Variants in RFK observed in about 807,000 individuals in gnomAD.
RFK encodes the protein 0610038L10Rik.
In RFK, 4 loss-of-function variants were observed where a neutral mutation model predicts 17.6. The ratio of observed to expected loss-of-function variants is 0.23; its 90% CI spans 0.11 to 0.52. The LOEUF is 0.52. Among genes scored for constraint, RFK ranks in the 20% least tolerant of loss-of-function variants. The probability of loss-of-function intolerance (pLI) is 0.96; values close to 1 mark genes in which losing one functional copy is unlikely to be tolerated. For missense variants in RFK, 189 were observed against 187.7 expected (o/e 1.01, Z -0.04); for synonymous variants, 59 against 63.8 (o/e 0.92, Z 0.36).
chr9:76,392,629 GA>G, intron 1 of RFK, 60 bp from the exon 2 acceptor site: 1 of 1,512,896 alleles, frequency 6.6e-7, no homozygotes, highest in Non-Finnish European at 9.1e-7. Context: ...GCCTGTAGCC[GA>G]GTGCAGTGGC....
intron 2 of RFK, among the ~76,000 whole-genome samples, chr9:76,390,214 C>G (rs1406353635): frequency 1.3e-5 from 2 of 152,034 alleles, no homozygotes; most frequent in East Asian, 3.8e-4. Flanking sequence ...AGATACCATA[C>G]TAAAAAAGTC....
Position 76,394,260 on chromosome 9 carries a change from CGGGG to C in RFK, c.-93_-90del. On this transcript the variant is annotated 5_prime_UTR_variant, in exon 1 of 4. Coordinates refer to ENST00000376736, the MANE Select transcript of RFK (RefSeq NM_018339.6). ...CGCGGCGCCCAGACCCCGGACCAGC[CGGGG>C]GACAGGAGCGTGAGCTCTGCCTGCC... The C allele has an allele frequency of 7.3e-7, 1 of 1,369,828 alleles. No homozygotes were observed. The highest frequency in any genetic ancestry group is 1.0e-6 in the Non-Finnish European group (1 of 1,004,974). 84.9% of individuals were successfully genotyped at this position (1,369,828 alleles called of 1,614,324 possible). A position where few individuals can be genotyped will look rare whatever the true frequency, so the allele number is the denominator to read the frequency against.
chr9:76,393,867 C>T, intron 1 of RFK: 1 of 530,306 alleles, frequency 1.9e-6, no homozygotes, highest in South Asian at 2.5e-5. Flanking sequence ...CCCTCACCAC[C>T]CCTCAACCCC....
chr9:76,387,178 AT>A lies in RFK; in HGVS notation c.*220del. ...TAGTGGTACATTTTAATCAATATAT[AT>A]TTTTTAAATCTTATTTTTAACTCAA... On this transcript the variant is annotated 3_prime_UTR_variant, in exon 4 of 4. Transcript: ENST00000376736. 1 of 410,328 alleles carries A rather than the reference AT, an allele frequency of 2.4e-6. No individual in the cohort carries two copies. Among genetic ancestry groups the A allele is most frequent in the Admixed American group, 3.9e-5 (1 of 25,920 alleles). The allele number at this position is 410,328 out of a possible 1,614,324, so 25.4% of individuals were successfully genotyped here. A position where few individuals can be genotyped will look rare whatever the true frequency, so the allele number is the denominator to read the frequency against.
intron 2 of RFK, among the ~76,000 whole-genome samples, chr9:76,390,617 T>C (rs1161349687): frequency 1.3e-5 from 2 of 151,876 alleles, no homozygotes; most frequent in East Asian, 3.9e-4. Context: ...TGAGCTGAGA[T>C]TGCACCACTG....
intron 3 of RFK, 95 bp from the exon 4 acceptor site, chr9:76,387,624 GGCAGTATCTCT>G: frequency 8.2e-7 from 1 of 1,222,908 alleles, no homozygotes; most frequent in East Asian, 2.3e-5. Context: ...CTCACAGGCT[GGCAGTATCTCT>G]GCACAGGGTA....
Position 76,388,568 on chromosome 9 carries a change from T to C in RFK, c.323A>G (p.Asn108Ser), listed in dbSNP as rs2131553452. 6.2e-7 allele frequency: 1 copy of C among 1,605,558 alleles called. No individual in the cohort carries two copies. The highest frequency in any genetic ancestry group is 8.5e-7 in the Non-Finnish European group (1 of 1,173,096). ...AIVGYLRPEKNFDSLESLISA... is the reference protein window; with the variant it reads ...AIVGYLRPEKSFDSLESLISA... ...TAAGAACTTACCTAAAGAATCAAAGTTCTTTTCTGGTCTCAGGTAGCCAAC... is the reference window on the plus strand; with the variant it reads ...TAAGAACTTACCTAAAGAATCAAAGCTCTTTTCTGGTCTCAGGTAGCCAAC... Residue 108 changes from asparagine to serine, a missense_variant, in exon 3 of 4, where the codon AAC becomes AGC. By Grantham distance (46) the Asn-to-Ser change is conservative. This residue lies in a region of RFK where 95 missense variants were observed against 95.7 expected (regional missense o/e 0.99). Coordinates refer to ENST00000376736, the MANE Select transcript of RFK (RefSeq NM_018339.6).
In RFK at chr9:76,385,801, T is replaced by C. The variant is rs1216273520; in HGVS notation, c.*1598A>G. ...AACACAAATATTTTCACATTTCCTA[T>C]GTTTGTTTTTAACTTTACTTCATAA... On this transcript the variant is annotated 3_prime_UTR_variant, in exon 4 of 4. Transcript: ENST00000376736. 1.3e-5 allele frequency: 2 copies of C among 152,218 alleles called. No individual in the cohort carries two copies. The highest frequency in any genetic ancestry group is 6.5e-5 in the Admixed American group (1 of 15,282). The allele number at this position is 152,218 out of a possible 1,614,324, so 9.4% of individuals were successfully genotyped here.
At position 76,392,551 on chromosome 9, in the gene RFK, A is replaced by G; in HGVS notation, c.101T>C (p.Val34Ala). The G allele has an allele frequency of 6.2e-7, 1 of 1,614,130 alleles. No homozygotes were observed. The highest frequency in any genetic ancestry group is 8.5e-7 in the Non-Finnish European group (1 of 1,180,020). The change falls in exon 2 of 4, where the codon GTG (valine) becomes GCG (alanine). Residue 34 changes from valine to alanine, a missense_variant. Val to Ala is a moderately conservative substitution (Grantham distance 64). Coordinates refer to ENST00000376736, the MANE Select transcript of RFK (RefSeq NM_018339.6). ...TATATCAGCTGGAAGATTATCTACC[A>G]CTTGCTCAGGAAAATTAGCTAAACA... The part of the protein sequence containing the change: ...GIPTANFPEQ[V>A]VDNLPADIST...
Position 76,394,130 on chromosome 9 carries a change from C to G in RFK, c.42G>C (p.Arg14=). ...LPYFCRGQVV[R]GFGRGSKQLG... ...GCTGCTTGGAGCCGCGGCCGAAGCC[C>G]CGCACCACTTGACCCCGGCAGAAGT... The change falls in exon 1 of 4, where the codon CGG becomes CGC. Residue 14 remains arginine, a synonymous_variant. Coordinates refer to ENST00000376736, the MANE Select transcript of RFK (RefSeq NM_018339.6). The G allele has an allele frequency of 1.9e-6, 3 of 1,609,866 alleles. No homozygotes were observed. Among genetic ancestry groups the G allele is most frequent in the Non-Finnish European group, 2.5e-6 (3 of 1,178,962 alleles).
At chr9:76,390,227 T>A (rs1348209514) in intron 2 of RFK, among the ~76,000 whole-genome samples, 1 of 152,170 alleles carries the variant, frequency 6.6e-6, no homozygotes, top group Non-Finnish European at 1.5e-5. Flanking sequence ...AAAAAGTCAA[T>A]TTGAAGATAT....
In RFK at chr9:76,387,396, T is replaced by C; in HGVS notation, c.*3A>G. On this transcript the variant is annotated 3_prime_UTR_variant, in exon 4 of 4. Transcript: ENST00000376736. ...GTGAATGAATAAATAATACAATTTT[T>C]CATCAGTGGCCATTCATTATTTTGC... The C allele has an allele frequency of 6.2e-7, 1 of 1,602,572 alleles. No homozygotes were observed. The highest frequency in any genetic ancestry group is 8.5e-7 in the Non-Finnish European group (1 of 1,174,690).
At chr9:76,388,516 C>A in intron 3 of RFK, 38 bp downstream of exon 3, 1 of 1,199,974 alleles carries the variant, frequency 8.3e-7, no homozygotes, top group Non-Finnish European at 1.2e-6. Context: ...CCTGTGGTAG[C>A]AGTAGTAGTA....
intron 2 of RFK, among the ~76,000 whole-genome samples, chr9:76,389,237 G>C (rs1822784267): frequency 6.6e-6 from 1 of 152,098 alleles, no homozygotes; most frequent in African/African-American, 2.4e-5. Flanking sequence ...AAATCATCTG[G>C]GCAGTACTGT....
At chr9:76,389,696 G>C (rs1456298640) in intron 2 of RFK, among the ~76,000 whole-genome samples, 2 of 152,102 alleles carry the variant, frequency 1.3e-5, no homozygotes, top group Non-Finnish European at 2.9e-5. Context: ...AGGAGGCGGA[G>C]GTTGCAGTGA....
At chr9:76,388,941 GAAGT>G (rs1247553113) in intron 2 of RFK, among the ~76,000 whole-genome samples, 3 of 152,124 alleles carry the variant, frequency 2.0e-5, no homozygotes, top group East Asian at 1.9e-4. Context: ...CGTATCCAAG[GAAGT>G]AAGTATCTTA....
At chr9:76,388,726 TG>T in intron 2 of RFK, 70 bp from the exon 3 acceptor site, 1 of 828,834 alleles carries the variant, frequency 1.2e-6, no homozygotes, top group Non-Finnish European at 2.0e-6. Flanking sequence ...TACATCTTCA[TG>T]TTTATGGTGA....
chr9:76,387,885 G>C, intron 3 of RFK: 1 of 229,760 alleles, frequency 4.4e-6, no homozygotes, highest in South Asian at 5.4e-5. Context: ...TGTAATCCCA[G>C]CTACTCAGGA....
At chr9:76,387,558 G>A in intron 3 of RFK, 29 bp from the exon 4 acceptor site, 48 of 1,584,344 alleles carry the variant, frequency 3.0e-5, no homozygotes, top group Non-Finnish European at 4.0e-5. Flanking sequence ...AGGTAAAAAT[G>A]ATGAAAAACC....
Sources: allele counts gnomAD v4.1 joint callset (sites outside exome capture counted in the v4.1 genomes callset), GRCh38; gene constraint gnomAD v4.1.1; regional missense constraint gnomAD v4.1.1; transcripts MANE v1.5; gene names NCBI Gene and HGNC (gene_info 2026-07-23, HGNC 2026-07-21).